Variants in ZFHX3 observed in about 807,000 individuals in gnomAD.
The protein encoded by ZFHX3 is zinc finger homeobox 3, also known as zinc finger homeobox protein 3.
ZFHX3 carries 42 observed loss-of-function variants against 279.1 expected under a neutral mutation model. The ratio of observed to expected loss-of-function variants is 0.15; its 90% CI spans 0.12 to 0.19. ZFHX3 has a LOEUF of 0.19. Among genes scored for constraint, ZFHX3 ranks in the 10% least tolerant of loss-of-function variants. ZFHX3 has a pLI of 1.00. For missense variants in ZFHX3, 4,981 were observed against 4,754.0 expected, an observed-to-expected ratio of 1.05 and a Z score of -1.40; for synonymous variants, 2,293 against 1,957.8, an observed-to-expected ratio of 1.17 and a Z score of -4.52.
chr16:73,379,166 T>C (rs376934222), intron 3 of ZFHX3, among the ~76,000 whole-genome samples: 1 of 152,214 alleles, frequency 6.6e-6, no homozygotes, highest in East Asian at 1.9e-4. Flanking sequence ...TTACTGAATT[T>C]TCAGATGTTT....
intron 2 of ZFHX3, among the ~76,000 whole-genome samples, chr16:73,489,741 C>G (rs58115358): frequency 0.05 from 7,672 of 152,168 alleles, 282 homozygotes; most frequent in African/African-American, 0.1. Flanking sequence ...AGTAACATCA[C>G]TTTATAAAAA....
At chr16:72,890,068 G>C (rs529629497) in intron 3 of ZFHX3, 106 bp from the exon 4 acceptor site, 17 of 987,202 alleles carry the variant, frequency 1.7e-5, no homozygotes, top group Non-Finnish European at 2.4e-5. Context: ...GCCTCCAGGG[G>C]ACACATCTCC....
rs1029203610 is a variant in ZFHX3, at chr16:73,875,353, C to T, written c.-1608+16298G>A. Among the ~76,000 whole-genome samples, 12 of 152,012 alleles carry T rather than the reference C, an allele frequency of 7.9e-5. 1 individual carries two copies. The highest frequency in any genetic ancestry group is 7.2e-4 in the Admixed American group (11 of 15,264). On this transcript the variant is annotated intron_variant, in intron 1 of 17. Transcript: ENST00000641206. ...TGCAAGATCCAATGGCTTCAAGGCA[C>T]GTAAGGTGCAAACACAGTTACAAGG...
chr16:73,850,686 C>A (rs1310455920), intron 1 of ZFHX3, among the ~76,000 whole-genome samples: 1 of 152,040 alleles, frequency 6.6e-6, no homozygotes, highest in African/African-American at 2.4e-5. Flanking sequence ...CACCCCAACC[C>A]ACCCAAGTCA....
intron 7 of ZFHX3, among the ~76,000 whole-genome samples, chr16:73,104,956 G>GA (rs1005043676): frequency 1.3e-5 from 2 of 152,130 alleles, no homozygotes; most frequent in Admixed American, 6.5e-5. Flanking sequence ...AAGTATGTTT[G>GA]TCACTGGACC....
At chr16:73,443,028 T>G (rs1477115193) in intron 3 of ZFHX3, among the ~76,000 whole-genome samples, 1 of 152,190 alleles carries the variant, frequency 6.6e-6, no homozygotes, top group Non-Finnish European at 1.5e-5. Context: ...CCTAACAACT[T>G]CATTTTAACT....
At chr16:73,839,232 G>T (rs1200985353) in intron 1 of ZFHX3, among the ~76,000 whole-genome samples, 1 of 149,960 alleles carries the variant, frequency 6.7e-6, no homozygotes, top group African/African-American at 2.5e-5. Context: ...CATGGTGGCG[G>T]GCGCCTGTAT....
At chr16:73,055,231 T>C (rs1965522909) in intron 1 of ZFHX3, among the ~76,000 whole-genome samples, 1 of 152,124 alleles carries the variant, frequency 6.6e-6, no homozygotes, top group Admixed American at 6.5e-5. Context: ...CCCAACCTTA[T>C]TTGCCTGAAC....
intron 8 of ZFHX3, among the ~76,000 whole-genome samples, chr16:73,077,727 G>T (rs189735758): frequency 6.6e-6 from 1 of 152,336 alleles, no homozygotes; most frequent in Non-Finnish European, 1.5e-5. Flanking sequence ...TGAATTAAAT[G>T]GGGTCAAGAC....
intron 4 of ZFHX3, among the ~76,000 whole-genome samples, chr16:73,307,728 T>G (rs971230541): frequency 6.6e-6 from 1 of 152,170 alleles, no homozygotes. Context: ...TTGTTAAAAT[T>G]CACAGTTGAA....
chr16:73,301,107 A>T (rs138980590), intron 4 of ZFHX3, among the ~76,000 whole-genome samples: 2 of 152,200 alleles, frequency 1.3e-5, no homozygotes. Flanking sequence ...AGAAGTCTCA[A>T]ATCTGGTTGT....
intron 5 of ZFHX3, among the ~76,000 whole-genome samples, chr16:73,245,585 T>C (rs2013256900): frequency 6.6e-6 from 1 of 152,208 alleles, no homozygotes; most frequent in Non-Finnish European, 1.5e-5. Flanking sequence ...GTTATGTAAA[T>C]AAGCAAAGAT....
chr16:73,771,991 A>AT (rs1385684910), intron 1 of ZFHX3, among the ~76,000 whole-genome samples: 1 of 152,094 alleles, frequency 6.6e-6, no homozygotes, highest in Non-Finnish European at 1.5e-5. Context: ...CCCAACCTTC[A>AT]TATCATTTTT....
chr16:72,911,495 T>C (rs1235021407), intron 3 of ZFHX3, among the ~76,000 whole-genome samples: 3 of 152,270 alleles, frequency 2.0e-5, no homozygotes, highest in African/African-American at 4.8e-5. Context: ...CTGAATGCAG[T>C]GGCGAAATCA....
intron 3 of ZFHX3, among the ~76,000 whole-genome samples, chr16:73,330,411 T>C (rs963426480): frequency 1.3e-5 from 2 of 152,144 alleles, no homozygotes; most frequent in East Asian, 1.9e-4. Flanking sequence ...TAGTTTCAGA[T>C]TGTGTTAGAG....
chr16:73,645,831 T>C (rs1324092151), intron 2 of ZFHX3, among the ~76,000 whole-genome samples: 1 of 152,176 alleles, frequency 6.6e-6, no homozygotes, highest in South Asian at 2.1e-4. Flanking sequence ...AACATTTTGG[T>C]CCCATGATTT....
chr16:72,919,062 T>C (rs575443382), intron 3 of ZFHX3, among the ~76,000 whole-genome samples: 1 of 152,120 alleles, frequency 6.6e-6, no homozygotes, highest in Non-Finnish European at 1.5e-5. Context: ...TGCGGGTAGA[T>C]GTGCCTGGAG....
Position 73,295,009 on chromosome 16 carries a change from C to T in ZFHX3, c.-1194+23231G>A, listed in dbSNP as rs184264955. Reference sequence around the variant, plus strand: ...CGGGCGGATCACGAGGTCAGGAGATCGAGACCATCCTGGCTAACAAGGTGA... The same window carrying T: ...CGGGCGGATCACGAGGTCAGGAGATTGAGACCATCCTGGCTAACAAGGTGA... On this transcript the variant is annotated intron_variant, in intron 4 of 17. Coordinates refer to the ZFHX3 transcript ENST00000641206. 2.7e-4 allele frequency among the ~76,000 whole-genome samples: 41 copies of T among 152,018 alleles called. No individual in the cohort carries two copies. The East Asian group carries it at 5.8e-3, about 22-fold the overall frequency.
At chr16:73,739,375 C>T (rs540941847) in intron 1 of ZFHX3, among the ~76,000 whole-genome samples, 25 of 152,250 alleles carry the variant, frequency 1.6e-4, no homozygotes, top group Non-Finnish European at 2.8e-4. Flanking sequence ...TGGGGACTGT[C>T]CTGTGCATTA....
Sources: allele counts gnomAD v4.1 joint callset (sites outside exome capture counted in the v4.1 genomes callset), GRCh38; gene constraint gnomAD v4.1.1; transcripts MANE v1.5; gene names NCBI Gene and HGNC (gene_info 2026-07-23, HGNC 2026-07-21).